RALGAPA1: variants seen among roughly 807,000 people sequenced by gnomAD.
RALGAPA1 encodes ral GTPase-activating protein subunit alpha-1.
Under a neutral mutation model 269.6 loss-of-function variants are expected in RALGAPA1, and 52 were observed. That is an observed-to-expected ratio of 0.19 (90% CI 0.15 to 0.24). RALGAPA1 has a LOEUF of 0.24. RALGAPA1 is among the 10% of genes least tolerant of loss of function. The pLI is 1.00. For synonymous variants in RALGAPA1, 817 were observed against 1,008.3 expected (o/e 0.81, Z 3.60); for missense variants, 1,917 against 3,013.9 (o/e 0.64, Z 8.52).
chr14:35,670,721 G>C (rs1421851442), intron 26 of RALGAPA1, among the ~76,000 whole-genome samples: 2 of 152,054 alleles, frequency 1.3e-5, no homozygotes, highest in Admixed American at 6.6e-5. Context: ...TCAGGAGTTC[G>C]AGACCAGCCT....
At chr14:35,563,751 C>T (rs1468412174) in intron 39 of RALGAPA1, among the ~76,000 whole-genome samples, 1 of 152,140 alleles carries the variant, frequency 6.6e-6, no homozygotes, top group African/African-American at 2.4e-5. Flanking sequence ...AACTTATCGT[C>T]CACTTTAAAT....
At chr14:35,763,851 T>C (rs568654294) in intron 4 of RALGAPA1, among the ~76,000 whole-genome samples, 13 of 152,126 alleles carry the variant, frequency 8.5e-5, no homozygotes, top group African/African-American at 3.1e-4. Flanking sequence ...ATTAGATAAT[T>C]TTCTCCAAAG....
At chr14:35,667,338 C>T (rs1156453950) in intron 26 of RALGAPA1, among the ~76,000 whole-genome samples, 1 of 152,148 alleles carries the variant, frequency 6.6e-6, no homozygotes, top group Non-Finnish European at 1.5e-5. Context: ...GCGGAAGTTA[C>T]AGTGAGCTGA....
intron 14 of RALGAPA1, among the ~76,000 whole-genome samples, chr14:35,724,129 A>T (rs2069674486): frequency 6.6e-6 from 1 of 152,150 alleles, no homozygotes; most frequent in Non-Finnish European, 1.5e-5. Context: ...ACATAGCAAG[A>T]TAAAATTTTA....
intron 1 of RALGAPA1, among the ~76,000 whole-genome samples, chr14:35,791,904 CAAAAAAAAA>C (rs773722682): frequency 3.4e-4 from 4 of 11,774 alleles, no homozygotes; most frequent in South Asian, 3.3e-3. Context: ...GACTCTGTCT[CAAAAAAAAA>C]AAAAAAAAAA....
At chr14:35,797,620 C>T (rs192147367) in intron 1 of RALGAPA1, among the ~76,000 whole-genome samples, 3 of 151,756 alleles carry the variant, frequency 2.0e-5, no homozygotes, top group Admixed American at 1.3e-4. Flanking sequence ...CCAAGGAGGG[C>T]GGATCACCTG....
intron 37 of RALGAPA1, among the ~76,000 whole-genome samples, chr14:35,575,288 C>A (rs1303901330): frequency 1.3e-5 from 2 of 152,182 alleles, no homozygotes; most frequent in African/African-American, 4.8e-5. Flanking sequence ...AAACGATTGG[C>A]AACCAAACTA....
intron 33 of RALGAPA1, among the ~76,000 whole-genome samples, chr14:35,630,166 A>C (rs1025691043): frequency 1.3e-5 from 2 of 152,268 alleles, no homozygotes; most frequent in Admixed American, 6.5e-5. Context: ...ATTCCAAAAA[A>C]GAATAGTTTC....
intron 37 of RALGAPA1, among the ~76,000 whole-genome samples, chr14:35,588,108 T>C (rs888972345): frequency 3.3e-5 from 5 of 152,180 alleles, no homozygotes; most frequent in African/African-American, 4.8e-5. Flanking sequence ...GGTTTCACCA[T>C]GTTGGCCAGG....
intron 16 of RALGAPA1, among the ~76,000 whole-genome samples, chr14:35,720,327 T>A (rs1399906242): frequency 6.6e-6 from 1 of 152,230 alleles, no homozygotes; most frequent in Non-Finnish European, 1.5e-5. Flanking sequence ...ACATTAACCA[T>A]GTATTTTAAT....
At chr14:35,664,881 T>C (rs2063809817) in intron 26 of RALGAPA1, 114 bp from the exon 27 acceptor site, 2 of 895,940 alleles carry the variant, frequency 2.2e-6, no homozygotes, top group Admixed American at 2.9e-5. Context: ...AAAACAAAAT[T>C]TAAAAAGGAA....
At chr14:35,569,815 A>G (rs1425786054) in intron 39 of RALGAPA1, among the ~76,000 whole-genome samples, 1 of 152,146 alleles carries the variant, frequency 6.6e-6, no homozygotes, top group Non-Finnish European at 1.5e-5. Flanking sequence ...ATACCTGCCC[A>G]TATCTCTATT....
chr14:35,769,243 G>C (rs1268339239), intron 4 of RALGAPA1, among the ~76,000 whole-genome samples: 9 of 151,716 alleles, frequency 5.9e-5, no homozygotes, highest in African/African-American at 2.2e-4. Context: ...AATCAAGGAT[G>C]AAAGCGGATA....
intron 37 of RALGAPA1, among the ~76,000 whole-genome samples, chr14:35,577,714 T>A (rs1289361034): frequency 3.9e-5 from 6 of 152,202 alleles, no homozygotes; most frequent in Non-Finnish European, 8.8e-5. Flanking sequence ...ATATCACTTA[T>A]CTGGGGCTGG....
intron 21 of RALGAPA1, among the ~76,000 whole-genome samples, chr14:35,681,475 TATACATCATTTTATTTTTAG>T (rs368139126): frequency 0.011 from 1,633 of 152,352 alleles, 31 homozygotes; most frequent in African/African-American, 0.037. Flanking sequence ...AGGTTCTCCA[TATACATCATTTTATTTTTAG>T]AACTTTTGTT....
At chr14:35,769,790 A>G (rs1022742420) in intron 4 of RALGAPA1, among the ~76,000 whole-genome samples, 18 of 152,326 alleles carry the variant, frequency 1.2e-4, no homozygotes, top group African/African-American at 4.3e-4. Context: ...GAATAAACCT[A>G]TAACAAGAAA....
intron 29 of RALGAPA1, among the ~76,000 whole-genome samples, chr14:35,655,471 G>A (rs77343697): frequency 0.048 from 7,357 of 151,794 alleles, 496 homozygotes; most frequent in South Asian, 0.14. Context: ...AAAGATCAAA[G>A]AACAGTAAGT....
intron 1 of RALGAPA1, among the ~76,000 whole-genome samples, chr14:35,791,602 TG>T (rs2076172513): frequency 6.7e-6 from 1 of 150,250 alleles, no homozygotes; most frequent in Non-Finnish European, 1.5e-5. Flanking sequence ...AGCGAAACTC[TG>T]TCTCAAAAAA....
At chr14:35,586,157 A>G (rs1431949751) in intron 37 of RALGAPA1, among the ~76,000 whole-genome samples, 1 of 152,180 alleles carries the variant, frequency 6.6e-6, no homozygotes, top group Non-Finnish European at 1.5e-5. Flanking sequence ...CTCCTTCAAG[A>G]GGTCCTTCAC....
Sources: allele counts gnomAD v4.1 joint callset (sites outside exome capture counted in the v4.1 genomes callset), GRCh38; gene constraint gnomAD v4.1.1; transcripts MANE v1.5; gene names NCBI Gene and HGNC (gene_info 2026-07-23, HGNC 2026-07-21).